Variants in ERC2 observed in about 807,000 individuals in gnomAD.
ERC2 encodes the protein ELKS/RAB6-interacting/CAST family member 2, also known as ERC protein 2.
Under a neutral mutation model 114.8 loss-of-function variants are expected in ERC2, and 42 were observed. The observed-to-expected ratio is 0.37, with a 90% CI of 0.29 to 0.47. ERC2 has a LOEUF of 0.47. ERC2 is among the 20% of genes least tolerant of loss of function. The pLI is 0.99. For missense variants in ERC2, 939 were observed against 1,150.7 expected (o/e 0.82, Z 2.66); for synonymous variants, 454 against 425.5 (o/e 1.07, Z -0.82).
At chr3:56,137,732 G>C (rs908317281) in intron 6 of ERC2, among the ~76,000 whole-genome samples, 5 of 152,216 alleles carry the variant, frequency 3.3e-5, no homozygotes, top group Admixed American at 6.5e-5. Flanking sequence ...ACAAGTACTA[G>C]ATGGTAGAAA....
At chr3:55,961,455 C>T (rs1245342355) in intron 12 of ERC2, among the ~76,000 whole-genome samples, 1 of 152,156 alleles carries the variant, frequency 6.6e-6, no homozygotes, top group African/African-American at 2.4e-5. Flanking sequence ...CCATGCCTGT[C>T]TTGCCATGAA....
At chr3:56,356,560 G>T (rs2058751480) in intron 2 of ERC2, among the ~76,000 whole-genome samples, 1 of 152,148 alleles carries the variant, frequency 6.6e-6, no homozygotes, top group Non-Finnish European at 1.5e-5. Context: ...GCCCTCTCTT[G>T]ATTCATTCCA....
intron 14 of ERC2, among the ~76,000 whole-genome samples, chr3:55,739,270 T>A (rs907775039): frequency 6.6e-6 from 1 of 152,226 alleles, no homozygotes; most frequent in Non-Finnish European, 1.5e-5. Context: ...TTTGGGTATA[T>A]ACCCAGTAAT....
At chr3:55,514,549 G>A (rs1194905264) in intron 17 of ERC2, among the ~76,000 whole-genome samples, 1 of 152,260 alleles carries the variant, frequency 6.6e-6, no homozygotes, top group Non-Finnish European at 1.5e-5. Flanking sequence ...AGAAGAGAAA[G>A]TTAGGGAAAT....
At chr3:56,106,259 G>T (rs117377532) in intron 6 of ERC2, among the ~76,000 whole-genome samples, 8 of 152,296 alleles carry the variant, frequency 5.3e-5, no homozygotes, top group African/African-American at 1.9e-4. Flanking sequence ...GCCAAGCTCC[G>T]CCTGGCAGCA....
At chr3:55,793,725 A>G (rs1312821294) in intron 14 of ERC2, among the ~76,000 whole-genome samples, 1 of 152,166 alleles carries the variant, frequency 6.6e-6, no homozygotes, top group Non-Finnish European at 1.5e-5. Flanking sequence ...CCTATGAAAA[A>G]TCGTATTATT....
chr3:55,790,997 G>A (rs1449177073), intron 14 of ERC2, among the ~76,000 whole-genome samples: 1 of 152,216 alleles, frequency 6.6e-6, no homozygotes, highest in East Asian at 1.9e-4. Context: ...ACCCACCTGG[G>A]CCTCAGCTTC....
chr3:56,081,045 A>G, intron 6 of ERC2, 61 bp from the exon 7 acceptor site: 7 of 1,569,740 alleles, frequency 4.5e-6, no homozygotes, highest in Admixed American at 1.8e-5. Context: ...ATAACCATCA[A>G]TTGTGCCCTT....
intron 15 of ERC2, among the ~76,000 whole-genome samples, chr3:55,704,867 C>T (rs1206800090): frequency 6.6e-5 from 10 of 152,210 alleles, no homozygotes; most frequent in Admixed American, 6.5e-4. Flanking sequence ...GCAATGATGC[C>T]AAGAATAATT....
intron 17 of ERC2, among the ~76,000 whole-genome samples, chr3:55,543,416 G>T (rs1435034832): frequency 6.6e-6 from 1 of 152,218 alleles, no homozygotes; most frequent in Non-Finnish European, 1.5e-5. Flanking sequence ...CCACGTGGGG[G>T]ATGTTCTCAT....
At chr3:56,217,865 C>T (rs1356155629) in intron 3 of ERC2, among the ~76,000 whole-genome samples, 2 of 152,012 alleles carry the variant, frequency 1.3e-5, no homozygotes, top group African/African-American at 2.4e-5. Context: ...CTTTGACAAA[C>T]CTGACAAAAA....
intron 12 of ERC2, among the ~76,000 whole-genome samples, chr3:55,952,179 A>ACT (rs775838556): frequency 0.051 from 3,141 of 61,862 alleles, 188 homozygotes; most frequent in African/African-American, 0.085. Context: ...ACACACACAC[A>ACT]CTCTCTCTCT....
At chr3:55,547,852 C>T (rs955542060) in intron 17 of ERC2, among the ~76,000 whole-genome samples, 6 of 152,222 alleles carry the variant, frequency 3.9e-5, no homozygotes, top group African/African-American at 1.4e-4. Flanking sequence ...AGAAGGGAAG[C>T]AGCAGACGTA....
At chr3:55,762,165 T>C (rs926155410) in intron 14 of ERC2, among the ~76,000 whole-genome samples, 11 of 152,166 alleles carry the variant, frequency 7.2e-5, no homozygotes, top group South Asian at 4.1e-4. Flanking sequence ...TACACGAAGA[T>C]AGGAGTTGGC....
intron 14 of ERC2, among the ~76,000 whole-genome samples, chr3:55,820,587 A>T (rs1344043487): frequency 6.6e-6 from 1 of 152,182 alleles, no homozygotes; most frequent in Non-Finnish European, 1.5e-5. Flanking sequence ...AGACTGCTTT[A>T]AAGACTCGCT....
At chr3:55,968,880 C>T (rs2068947117) in intron 12 of ERC2, among the ~76,000 whole-genome samples, 1 of 152,100 alleles carries the variant, frequency 6.6e-6, no homozygotes, top group South Asian at 2.1e-4. Flanking sequence ...TAAAAAAATA[C>T]CAATGGCTTT....
chr3:56,227,566 T>A (rs1161588189), intron 3 of ERC2, among the ~76,000 whole-genome samples: 2 of 152,140 alleles, frequency 1.3e-5, no homozygotes, highest in African/African-American at 4.8e-5. Context: ...TCCGCTTTGC[T>A]TCCATCTGCA....
intron 3 of ERC2, among the ~76,000 whole-genome samples, chr3:56,200,348 G>GAA (rs5849133): frequency 0.027 from 3,830 of 141,246 alleles, 110 homozygotes; most frequent in African/African-American, 0.081. Context: ...ATACTCAGGG[G>GAA]AAAAAAAAAA....
chr3:56,006,676 A>G (rs113749518), intron 10 of ERC2, among the ~76,000 whole-genome samples: 1 of 152,112 alleles, frequency 6.6e-6, no homozygotes, highest in Non-Finnish European at 1.5e-5. Context: ...CAGTAAGGCC[A>G]TTTTGATCAA....
Sources: gnomAD v4.1 joint callset for allele counts (sites outside exome capture counted in the v4.1 genomes callset) on GRCh38, gnomAD v4.1.1 for gene constraint, MANE v1.5 for transcripts, NCBI Gene and HGNC (gene_info 2026-07-23, HGNC 2026-07-21) for gene names.